The following GDAP1 variants were observed in gnomAD, a reference collection of about 807,000 sequenced individuals.
GDAP1 encodes the protein ganglioside-induced differentiation-associated protein 1.
GDAP1 carries 34 observed loss-of-function variants against 40.1 expected under a neutral mutation model. That is an observed-to-expected ratio of 0.85 (90% CI 0.64 to 1.13). GDAP1 has a LOEUF of 1.13. Among genes scored for constraint, GDAP1 ranks in the 50% most tolerant of loss-of-function variants. GDAP1 has a pLI of 0.00. For synonymous variants in GDAP1, 170 were observed against 157.4 expected (o/e 1.08, Z -0.60); for missense variants, 374 against 433.7 (o/e 0.86, Z 1.22).
chr8:74,400,463 G>A (rs933294002), intron 2 of GDAP1, among the ~76,000 whole-genome samples: 6 of 149,652 alleles, frequency 4.0e-5, no homozygotes, highest in African/African-American at 1.5e-4. Flanking sequence ...CGTGAGATGG[G>A]TTTCCTGAAT....
chr8:74,366,620 G>T lies in GDAP1; in HGVS notation c.*2253G>T, dbSNP rs754175410. On this transcript the variant is annotated 3_prime_UTR_variant, in exon 6 of 6. Coordinates refer to ENST00000220822, the MANE Select transcript of GDAP1 (RefSeq NM_018972.4). ...GTATAAATATCACAATTAGAAAAAT[G>T]CCTGAGGTACTAAAGTTATGTTGGC... The T allele has an allele frequency of 8.8e-6, 4 of 453,756 alleles. No homozygotes were observed. Among genetic ancestry groups the T allele is most frequent in the African/African-American group, 6.0e-5 (3 of 50,000 alleles). The allele number at this position is 453,756 out of a possible 1,614,324, so 28.1% of individuals were successfully genotyped here. A position where few individuals can be genotyped will look rare whatever the true frequency, so the allele number is the denominator to read the frequency against.
chr8:74,463,657 C>T lies in GDAP1; in HGVS notation c.166-25021C>T, dbSNP rs1437834658. ...TAATTTAATAGAAATAAGTGTAAGACATATGTAGCTTTGGAGAGAAACTGT... is the reference window on the plus strand; with the variant it reads ...TAATTTAATAGAAATAAGTGTAAGATATATGTAGCTTTGGAGAGAAACTGT... On this transcript the variant is annotated intron_variant, in intron 2 of 2. Coordinates refer to the GDAP1 transcript ENST00000523640. Among the ~76,000 whole-genome samples the T allele has an allele frequency of 2.6e-5, 4 of 151,992 alleles. No individual in the cohort carries two copies. The East Asian group carries it at 7.7e-4, about 29-fold the overall frequency.
At chr8:74,389,251 A>G (rs1486747394) in intron 2 of GDAP1, among the ~76,000 whole-genome samples, 1 of 152,072 alleles carries the variant, frequency 6.6e-6, no homozygotes, top group Non-Finnish European at 1.5e-5. Context: ...ACATTAATTG[A>G]TACAGTTTCT....
downstream of GDAP1, among the ~76,000 whole-genome samples, chr8:74,371,517 G>A (rs367722282): frequency 4.8e-3 from 723 of 151,916 alleles, 7 homozygotes; most frequent in African/African-American, 0.016. Context: ...AAAATTAGCC[G>A]GGCGTGGTAG....
At chr8:74,387,347 T>C (rs1810040385) in intron 2 of GDAP1, among the ~76,000 whole-genome samples, 1 of 152,242 alleles carries the variant, frequency 6.6e-6, no homozygotes, top group Admixed American at 6.5e-5. Context: ...TACTTTGAGA[T>C]AGGTTCCATC....
chr8:74,465,225 A>G (rs1806454085), intron 2 of GDAP1, among the ~76,000 whole-genome samples: 1 of 152,126 alleles, frequency 6.6e-6, no homozygotes, highest in South Asian at 2.1e-4. Flanking sequence ...CTCTCCAAAA[A>G]TAAATAAATA....
chr8:74,371,035 T>G (rs1016799788), downstream of GDAP1, among the ~76,000 whole-genome samples: 13 of 152,202 alleles, frequency 8.5e-5, no homozygotes, highest in South Asian at 4.1e-4. Flanking sequence ...CAGTAATGAA[T>G]AGATAAAATA....
intron 2 of GDAP1, among the ~76,000 whole-genome samples, chr8:74,478,308 G>A (rs905973946): frequency 4.6e-5 from 7 of 152,134 alleles, no homozygotes; most frequent in African/African-American, 7.2e-5. Context: ...CAGCTGTGCC[G>A]GCCAAGGGAT....
intron 2 of GDAP1, among the ~76,000 whole-genome samples, chr8:74,404,320 C>G (rs1805606826): frequency 6.7e-6 from 1 of 148,930 alleles, no homozygotes. Context: ...ACTTTTTCAC[C>G]AACCTATAGT....
At chr8:74,410,953 C>T (rs1363688729) in intron 2 of GDAP1, among the ~76,000 whole-genome samples, 1 of 150,102 alleles carries the variant, frequency 6.7e-6, no homozygotes, top group Non-Finnish European at 1.5e-5. Context: ...AAGGGAGGGA[C>T]CTGTAATCCC....
intron 2 of GDAP1, among the ~76,000 whole-genome samples, chr8:74,436,755 C>T (rs1327458503): frequency 6.6e-6 from 1 of 152,054 alleles, no homozygotes; most frequent in East Asian, 1.9e-4. Context: ...GAGATACTCA[C>T]AATCCTTTCA....
chr8:74,362,804 TGCTG>T, intron 4 of GDAP1, 131 bp from the exon 5 acceptor site: 1 of 397,392 alleles, frequency 2.5e-6, no homozygotes, highest in Non-Finnish European at 4.4e-6. Context: ...TTTTTTTTTT[TGCTG>T]AGTTTTTCTA....
intron 2 of GDAP1, among the ~76,000 whole-genome samples, chr8:74,433,888 T>C (rs1418327877): frequency 1.3e-5 from 2 of 152,200 alleles, no homozygotes; most frequent in East Asian, 3.9e-4. Flanking sequence ...GGATTGGCAA[T>C]ACTCTGTGTG....
intron 2 of GDAP1, among the ~76,000 whole-genome samples, chr8:74,443,341 G>T (rs991821186): frequency 6.6e-6 from 1 of 152,130 alleles, no homozygotes; most frequent in Non-Finnish European, 1.5e-5. Context: ...CAAATTTAAG[G>T]AACTGTCATT....
chr8:74,375,275 C>T (rs542042302), intron 2 of GDAP1, among the ~76,000 whole-genome samples: 2 of 151,742 alleles, frequency 1.3e-5, no homozygotes, highest in Non-Finnish European at 2.9e-5. Flanking sequence ...TGCAGTGAGC[C>T]GAGATCGCGC....
Position 74,364,058 on chromosome 8 carries a change from T to A in GDAP1, c.768T>A (p.His256Gln). The A allele has an allele frequency of 6.2e-7, 1 of 1,613,948 alleles. No homozygotes were observed. The highest frequency in any genetic ancestry group is 8.5e-7 in the Non-Finnish European group (1 of 1,179,858). ...LADVSLAVTL[H>Q]RLKFLGFARR... is the part of the protein sequence containing the mutation. ...ACGTCTCACTCGCTGTCACATTGCA[T>A]CGACTGAAGTTCCTGGGGTTTGCAA... Residue 256 changes from histidine to glutamine, a missense_variant, in exon 6 of 6, where the codon CAT (histidine) becomes CAA (glutamine). Coordinates refer to ENST00000220822, the MANE Select transcript of GDAP1 (RefSeq NM_018972.4).
chr8:74,472,468 G>A (rs1806569762), intron 2 of GDAP1, among the ~76,000 whole-genome samples: 1 of 152,168 alleles, frequency 6.6e-6, no homozygotes, highest in Middle Eastern at 3.2e-3. Flanking sequence ...TGGGATTGCT[G>A]GGTTAAATGA....
At chr8:74,428,677 T>G (rs1805985899) in intron 2 of GDAP1, among the ~76,000 whole-genome samples, 1 of 117,514 alleles carries the variant, frequency 8.5e-6, no homozygotes, top group Non-Finnish European at 1.7e-5. Flanking sequence ...AGACAGGGTT[T>G]CACCATGTTG....
chr8:74,419,675 T>A (rs1266820189), intron 2 of GDAP1, among the ~76,000 whole-genome samples: 1 of 152,172 alleles, frequency 6.6e-6, no homozygotes, highest in Non-Finnish European at 1.5e-5. Flanking sequence ...AATGACATTA[T>A]ATTTATTTTT....
Sources: gnomAD v4.1 joint callset for allele counts (sites outside exome capture counted in the v4.1 genomes callset) on GRCh38, gnomAD v4.1.1 for gene constraint, MANE v1.5 for transcripts, NCBI Gene and HGNC (gene_info 2026-07-23, HGNC 2026-07-21) for gene names.